Variants in ARB2A observed in about 807,000 individuals in gnomAD.
ARB2A encodes cotranscriptional regulator ARB2A.
At chr5:94,105,020 A>C in the ARB2A span, among the ~76,000 whole-genome samples, 1 of 152,076 alleles carries the variant, frequency 6.6e-6, no homozygotes, top group Non-Finnish European at 1.5e-5. Context: ...AGTTATGACA[A>C]ATCCACAGCA....
the ARB2A span, chr5:93,741,135 C>A: frequency 1.9e-6 from 3 of 1,613,854 alleles, no homozygotes; most frequent in Non-Finnish European, 2.5e-6. Flanking sequence ...CATCGGCCTG[C>A]GAGTACCCTA....
chr5:93,804,963 A>AT, the ARB2A span: 1 of 983,450 alleles, frequency 1.0e-6, no homozygotes, highest in Non-Finnish European at 1.2e-6. Flanking sequence ...ATTTACAAGC[A>AT]TGTCCTAGGT....
At chr5:93,923,722 T>C in the ARB2A span, among the ~76,000 whole-genome samples, 6 of 151,964 alleles carry the variant, frequency 3.9e-5, no homozygotes, top group East Asian at 3.9e-4. Flanking sequence ...GGTGGGAGGA[T>C]TGCTTGAGCC....
chr5:94,109,866 TTC>T, the ARB2A span, among the ~76,000 whole-genome samples: 2 of 150,648 alleles, frequency 1.3e-5, no homozygotes, highest in South Asian at 4.2e-4. Flanking sequence ...TAATTTATTT[TTC>T]TCTATACCTC....
At chr5:94,007,538 C>CA in the ARB2A span, among the ~76,000 whole-genome samples, 3 of 152,008 alleles carry the variant, frequency 2.0e-5, no homozygotes, top group Non-Finnish European at 4.4e-5. Context: ...TTTGGGAGGC[C>CA]AAGGCGGGCA....
the ARB2A span, among the ~76,000 whole-genome samples, chr5:94,069,972 A>G: frequency 6.6e-6 from 1 of 152,332 alleles, no homozygotes; most frequent in African/African-American, 2.4e-5. Flanking sequence ...GTATATCTAA[A>G]GGATAATTGC....
At chr5:93,827,032 T>C in the ARB2A span, among the ~76,000 whole-genome samples, 5 of 152,038 alleles carry the variant, frequency 3.3e-5, no homozygotes, top group African/African-American at 7.3e-5. Context: ...TCTTTGCTAT[T>C]GTGAATAGTG....
chr5:94,053,076 G>GATAT, the ARB2A span: 1 of 690,454 alleles, frequency 1.4e-6, no homozygotes, highest in Non-Finnish European at 2.2e-6. Context: ...ATATACTATA[G>GATAT]ATAGATAGAT....
the ARB2A span, among the ~76,000 whole-genome samples, chr5:93,837,167 C>T: frequency 6.6e-6 from 1 of 152,062 alleles, no homozygotes; most frequent in Non-Finnish European, 1.5e-5. Flanking sequence ...TTTGTGTCCA[C>T]GTGTTCTCAT....
chr5:94,030,467 G>A, the ARB2A span, among the ~76,000 whole-genome samples: 1 of 152,190 alleles, frequency 6.6e-6, no homozygotes, highest in African/African-American at 2.4e-5. Context: ...TCTGATCCTT[G>A]GGCATGGGCC....
At chr5:93,983,106 G>A in the ARB2A span, among the ~76,000 whole-genome samples, 8 of 151,336 alleles carry the variant, frequency 5.3e-5, no homozygotes, top group East Asian at 3.9e-4. Flanking sequence ...TTAATCTTAC[G>A]GAGCCACCTT....
At chr5:93,774,071 C>T in the ARB2A span, among the ~76,000 whole-genome samples, 2 of 152,188 alleles carry the variant, frequency 1.3e-5, no homozygotes, top group Non-Finnish European at 2.9e-5. Context: ...CCACCATACT[C>T]GGCCTTGATC....
At chr5:93,618,731 C>T in the ARB2A span, 1 of 152,194 alleles carries the variant, frequency 6.6e-6, no homozygotes, top group Non-Finnish European at 1.5e-5. Context: ...TACATTTACA[C>T]AACTTAAGTT....
the ARB2A span, among the ~76,000 whole-genome samples, chr5:93,858,974 T>G: frequency 6.6e-6 from 1 of 152,076 alleles, no homozygotes; most frequent in South Asian, 2.1e-4. Flanking sequence ...GATAGAAGAT[T>G]AAAATGAGAC....
chr5:93,746,054 G>C, the ARB2A span, among the ~76,000 whole-genome samples: 1 of 152,286 alleles, frequency 6.6e-6, no homozygotes, highest in African/African-American at 2.4e-5. Context: ...CACAGTGAAA[G>C]AGTTAACATC....
At chr5:93,973,252 GC>G in the ARB2A span, among the ~76,000 whole-genome samples, 1 of 151,746 alleles carries the variant, frequency 6.6e-6, no homozygotes, top group Non-Finnish European at 1.5e-5. Context: ...GAGCCACTGT[GC>G]CCAGCCAGGA....
At chr5:93,721,501 T>A in the ARB2A span, among the ~76,000 whole-genome samples, 1 of 152,210 alleles carries the variant, frequency 6.6e-6, no homozygotes, top group Admixed American at 6.5e-5. Context: ...TTTGTTAGTT[T>A]GAGGCAAGTA....
chr5:93,621,224 C>T, the ARB2A span: 2 of 1,161,322 alleles, frequency 1.7e-6, no homozygotes, highest in Non-Finnish European at 2.2e-6. Context: ...CTCCCGACCA[C>T]CCGGTCCCGC....
At chr5:93,857,920 C>T in the ARB2A span, among the ~76,000 whole-genome samples, 8 of 152,278 alleles carry the variant, frequency 5.3e-5, no homozygotes, top group East Asian at 7.7e-4. Context: ...TCCTATTCGG[C>T]CATCTTGGCT....
Sources: allele counts gnomAD v4.1 joint callset (sites outside exome capture counted in the v4.1 genomes callset), GRCh38; gene constraint gnomAD v4.1.1; transcripts MANE v1.5; gene names NCBI Gene and HGNC (gene_info 2026-07-23, HGNC 2026-07-21).